SPAG16: variants seen among roughly 807,000 people sequenced by gnomAD.
The protein encoded by SPAG16 is sperm-associated antigen 16 protein.
In SPAG16, 86 loss-of-function variants were observed where a neutral mutation model predicts 80.4. That is an observed-to-expected ratio of 1.07 (90% CI 0.90 to 1.28). The LOEUF (loss-of-function observed/expected upper bound fraction) is 1.28. Among genes scored for constraint, SPAG16 ranks in the 50% most tolerant of loss-of-function variants. The pLI, the probability that SPAG16 is intolerant of heterozygous loss-of-function variation, is 0.00. For missense variants in SPAG16, 870 were observed against 765.3 expected, an observed-to-expected ratio of 1.14 and a Z score of -1.61; for synonymous variants, 294 against 265.9, an observed-to-expected ratio of 1.11 and a Z score of -1.03.
intron 1 of SPAG16, among the ~76,000 whole-genome samples, chr2:213,286,347 T>G (rs2062055897): frequency 6.6e-6 from 1 of 152,146 alleles, no homozygotes; most frequent in Non-Finnish European, 1.5e-5. Flanking sequence ...TTTAACCAGT[T>G]TATTTTGCTA....
intron 15 of SPAG16, among the ~76,000 whole-genome samples, chr2:214,203,002 C>T (rs995998447): frequency 1.7e-4 from 26 of 152,244 alleles, no homozygotes; most frequent in Admixed American, 1.4e-3. Context: ...AAATCTCTCA[C>T]GAGGTGAAGT....
At chr2:213,616,107 G>A (rs2061588043) in intron 10 of SPAG16, among the ~76,000 whole-genome samples, 1 of 152,186 alleles carries the variant, frequency 6.6e-6, no homozygotes, top group African/African-American at 2.4e-5. Flanking sequence ...GGAAACTGGA[G>A]ATCAACTTGG....
chr2:213,344,272 A>G (rs2064846369), intron 6 of SPAG16, among the ~76,000 whole-genome samples: 2 of 152,032 alleles, frequency 1.3e-5, no homozygotes, highest in African/African-American at 4.8e-5. Flanking sequence ...TGCTTCCTCT[A>G]CTGTCTGCCA....
intron 10 of SPAG16, among the ~76,000 whole-genome samples, chr2:213,791,131 A>T (rs1234809933): frequency 6.6e-6 from 1 of 152,130 alleles, no homozygotes; most frequent in Non-Finnish European, 1.5e-5. Flanking sequence ...AATATTAAAC[A>T]AGCCTTCATT....
At chr2:214,118,216 G>A (rs1371648422) in intron 14 of SPAG16, among the ~76,000 whole-genome samples, 1 of 151,964 alleles carries the variant, frequency 6.6e-6, no homozygotes, top group Non-Finnish European at 1.5e-5. Flanking sequence ...CTCCAAAAAA[G>A]ATATGACAAA....
intron 12 of SPAG16, among the ~76,000 whole-genome samples, chr2:213,989,211 G>A (rs2046164628): frequency 6.6e-6 from 1 of 152,102 alleles, no homozygotes; most frequent in African/African-American, 2.4e-5. Context: ...CCCTGACTCT[G>A]TAGCTTGGGC....
intron 10 of SPAG16, among the ~76,000 whole-genome samples, chr2:213,677,478 A>G (rs1434823065): frequency 6.6e-6 from 1 of 152,074 alleles, no homozygotes; most frequent in Non-Finnish European, 1.5e-5. Flanking sequence ...CTAGTCTCTG[A>G]TAAAACAGAC....
At chr2:213,901,820 G>A (rs1369118362) in intron 11 of SPAG16, among the ~76,000 whole-genome samples, 1 of 152,134 alleles carries the variant, frequency 6.6e-6, no homozygotes, top group Non-Finnish European at 1.5e-5. Flanking sequence ...GTGATGTGCA[G>A]GGCCAAGGTT....
intron 15 of SPAG16, among the ~76,000 whole-genome samples, chr2:214,170,784 T>C (rs2056845014): frequency 6.6e-6 from 1 of 152,028 alleles, no homozygotes. Flanking sequence ...TGTACCCTCT[T>C]TGGTCTTATT....
At position 213,297,288 on chromosome 2, in the gene SPAG16, A is replaced by T. The variant is rs1208907259; in HGVS notation, c.210A>T (p.Pro70=). 6.2e-7 allele frequency: 1 copy of T among 1,612,694 alleles called. No individual in the cohort carries two copies. The highest frequency in any genetic ancestry group is 1.1e-5 in the South Asian group (1 of 90,948). The change falls in exon 3 of 16, where the codon CCA becomes CCT. Residue 70 remains proline (P), a synonymous_variant. Coordinates refer to ENST00000331683, the MANE Select transcript of SPAG16 (RefSeq NM_024532.5). ...EEIPDDNFSI[P]EGEEDLAKAI... is the part of the protein sequence containing the mutation. ...TACCAGATGACAATTTTAGCATCCC[A>T]GAAGGTGAAGAAGATCTGGCAAAAG...
chr2:213,680,638 C>T (rs370265355), intron 10 of SPAG16, among the ~76,000 whole-genome samples: 8 of 152,124 alleles, frequency 5.3e-5, no homozygotes, highest in African/African-American at 1.9e-4. Flanking sequence ...TACACTTTCT[C>T]TTCCTAATAA....
At chr2:214,366,997 T>C (rs552087787) in intron 15 of SPAG16, among the ~76,000 whole-genome samples, 1 of 152,270 alleles carries the variant, frequency 6.6e-6, no homozygotes, top group East Asian at 1.9e-4. Flanking sequence ...GAGAGAGCTA[T>C]ATCTACTATT....
intron 15 of SPAG16, among the ~76,000 whole-genome samples, chr2:214,285,359 T>A (rs898150760): frequency 6.6e-6 from 1 of 152,122 alleles, no homozygotes. Flanking sequence ...GTTGTAACAG[T>A]TTCTTACATA....
intron 10 of SPAG16, among the ~76,000 whole-genome samples, chr2:213,589,603 G>A (rs1013190462): frequency 2.6e-5 from 4 of 152,028 alleles, no homozygotes; most frequent in Admixed American, 2.6e-4. Flanking sequence ...CCTAGAGAAC[G>A]CCACCGCAGC....
At chr2:213,713,164 G>A (rs1165722514) in intron 10 of SPAG16, among the ~76,000 whole-genome samples, 1 of 152,112 alleles carries the variant, frequency 6.6e-6, no homozygotes, top group Non-Finnish European at 1.5e-5. Context: ...CCTCCTCTGA[G>A]GTCCCTCCCC....
At chr2:214,336,062 A>G (rs1159922084) in intron 15 of SPAG16, among the ~76,000 whole-genome samples, 1 of 151,984 alleles carries the variant, frequency 6.6e-6, no homozygotes, top group Non-Finnish European at 1.5e-5. Flanking sequence ...CAAGCCTATT[A>G]TTAGGATTCA....
chr2:214,373,696 G>T (rs933270017), intron 15 of SPAG16, among the ~76,000 whole-genome samples: 1 of 152,096 alleles, frequency 6.6e-6, no homozygotes, highest in Non-Finnish European at 1.5e-5. Flanking sequence ...GGGAAGGAGA[G>T]GCCTTCTTTA....
At chr2:213,448,218 A>G (rs2071462555) in intron 9 of SPAG16, among the ~76,000 whole-genome samples, 1 of 152,264 alleles carries the variant, frequency 6.6e-6, no homozygotes, top group Non-Finnish European at 1.5e-5. Context: ...TGCAATTGGA[A>G]TACTTCTGAT....
intron 13 of SPAG16, among the ~76,000 whole-genome samples, chr2:214,105,393 C>T (rs1023625872): frequency 2.6e-5 from 4 of 152,120 alleles, no homozygotes; most frequent in African/African-American, 9.7e-5. Context: ...ATTTCCTGTG[C>T]ATTATTATCT....
Sources: allele counts gnomAD v4.1 joint callset (sites outside exome capture counted in the v4.1 genomes callset), GRCh38; gene constraint gnomAD v4.1.1; transcripts MANE v1.5; gene names NCBI Gene and HGNC (gene_info 2026-07-23, HGNC 2026-07-21).